Variants in RFC3 observed in about 807,000 individuals in gnomAD.
RFC3 encodes the protein A1 38 kDa subunit.
RFC3 carries 41 observed loss-of-function variants against 45.1 expected under a neutral mutation model. The ratio of observed to expected loss-of-function variants is 0.91; its 90% CI spans 0.71 to 1.18. The LOEUF is 1.18. Among genes scored for constraint, RFC3 ranks in the 50% most tolerant of loss-of-function variants. The pLI, the probability that RFC3 is intolerant of heterozygous loss-of-function variation, is 0.00. For synonymous variants in RFC3, 149 were observed against 144.0 expected (o/e 1.03, Z -0.25); for missense variants, 423 against 428.1 (o/e 0.99, Z 0.10).
intron 8 of RFC3, among the ~76,000 whole-genome samples, chr13:33,927,642 A>G (rs1413283807): frequency 6.6e-6 from 1 of 152,098 alleles, no homozygotes; most frequent in Non-Finnish European, 1.5e-5. Context: ...CCCTCCCATC[A>G]TGGCCCTGGC....
intron 8 of RFC3, among the ~76,000 whole-genome samples, chr13:33,909,048 C>A (rs933649626): frequency 1.3e-5 from 2 of 152,016 alleles, no homozygotes; most frequent in African/African-American, 2.4e-5. Context: ...AATGTTCTCC[C>A]AAATGTCTGG....
At chr13:33,939,122 A>C (rs1465812888) in intron 8 of RFC3, among the ~76,000 whole-genome samples, 2 of 152,144 alleles carry the variant, frequency 1.3e-5, no homozygotes, top group African/African-American at 4.8e-5. Flanking sequence ...TTACCATTAT[A>C]ATATTAATTT....
chr13:33,902,519 C>T (rs1188166727), intron 8 of RFC3, among the ~76,000 whole-genome samples: 1 of 151,898 alleles, frequency 6.6e-6, no homozygotes, highest in Non-Finnish European at 1.5e-5. Context: ...ATAATTGTTC[C>T]GTATTTTATT....
chr13:33,968,325 AC>A (rs2083097219), downstream of RFC3, among the ~76,000 whole-genome samples: 3 of 152,160 alleles, frequency 2.0e-5, no homozygotes, highest in Admixed American at 2.0e-4. Context: ...ACGAGGTTTC[AC>A]AATGTTGGCC....
At chr13:33,845,254 T>C (rs2139452918) in intron 8 of RFC3, among the ~76,000 whole-genome samples, 1 of 152,302 alleles carries the variant, frequency 6.6e-6, no homozygotes, top group Non-Finnish European at 1.5e-5. Flanking sequence ...CTTGAGATAG[T>C]CTTATTTGGG....
intron 8 of RFC3, among the ~76,000 whole-genome samples, chr13:33,903,893 GCA>G: frequency 6.6e-6 from 1 of 152,076 alleles, no homozygotes; most frequent in South Asian, 2.1e-4. Flanking sequence ...TTCCAATTAT[GCA>G]CCTGTGTCCA....
At chr13:33,840,994 A>T (rs1216693080), downstream of RFC3, among the ~76,000 whole-genome samples, 1 of 152,208 alleles carries the variant, frequency 6.6e-6, no homozygotes, top group Non-Finnish European at 1.5e-5. Flanking sequence ...GCCTGTTAGG[A>T]ACTGGGGCCA....
At chr13:33,954,351 C>T (rs867461625) in intron 8 of RFC3, among the ~76,000 whole-genome samples, 9 of 152,140 alleles carry the variant, frequency 5.9e-5, no homozygotes, top group Middle Eastern at 6.8e-3. Context: ...ATAGAAGACC[C>T]CTGAGTGATG....
Position 33,836,733 on chromosome 13 carries a change from T to C in RFC3, c.*438T>C, listed in dbSNP as rs1471363763. 2.0e-6 allele frequency: 2 copies of C among 984,600 alleles called. No individual in the cohort carries two copies. The highest frequency in any genetic ancestry group is 2.4e-6 in the Non-Finnish European group (2 of 829,062). 61.0% of individuals were successfully genotyped at this position (984,600 alleles called of 1,614,324 possible). A position where few individuals can be genotyped will look rare whatever the true frequency, so the allele number is the denominator to read the frequency against. On this transcript the variant is annotated 3_prime_UTR_variant, in exon 9 of 9. Coordinates refer to ENST00000380071, the MANE Select transcript of RFC3 (RefSeq NM_002915.4). ...ATTCTAGTTTCTCTCAATGAATAAT[T>C]GTATTTTTGTAGGAAATGTAAGATT...
At chr13:33,951,935 G>C (rs949496413) in intron 8 of RFC3, among the ~76,000 whole-genome samples, 4 of 152,138 alleles carry the variant, frequency 2.6e-5, no homozygotes, top group African/African-American at 9.7e-5. Flanking sequence ...TTCCAAGTTG[G>C]CATAGCTTAT....
intron 8 of RFC3, among the ~76,000 whole-genome samples, chr13:33,963,341 C>A (rs1198340315): frequency 1.3e-5 from 2 of 152,192 alleles, no homozygotes; most frequent in Admixed American, 1.3e-4. Context: ...TATTTCCTGG[C>A]AGACATGAAG....
At position 33,908,798 on chromosome 13, in the gene RFC3, G is replaced by A. The variant is rs549959315; in HGVS notation, c.880-57289G>A. ...AGAACCAGAAGAGCCAATGACATAA[G>A]TTCTAACCTGAAAGCCAAAGGTCCA... On this transcript the variant is annotated intron_variant, in intron 8 of 8. Coordinates refer to the RFC3 transcript ENST00000434425. 3.3e-5 allele frequency among the ~76,000 whole-genome samples: 5 copies of A among 152,134 alleles called. 1 individual carries two copies. The highest frequency in any genetic ancestry group is 2.1e-4 in the South Asian group (1 of 4,816).
chr13:33,954,050 G>C (rs2083006324), intron 8 of RFC3, among the ~76,000 whole-genome samples: 1 of 152,148 alleles, frequency 6.6e-6, no homozygotes, highest in Non-Finnish European at 1.5e-5. Flanking sequence ...ATGGTGCTAA[G>C]AAAATAGTTT....
intron 8 of RFC3, among the ~76,000 whole-genome samples, chr13:33,881,386 T>C (rs973630837): frequency 6.6e-6 from 1 of 152,212 alleles, no homozygotes; most frequent in Non-Finnish European, 1.5e-5. Flanking sequence ...TTGTAGGCTC[T>C]GTGATGAGCA....
At chr13:33,902,960 T>C (rs2082650900) in intron 8 of RFC3, among the ~76,000 whole-genome samples, 1 of 151,618 alleles carries the variant, frequency 6.6e-6, no homozygotes, top group Non-Finnish European at 1.5e-5. Flanking sequence ...TTTAAGAAAA[T>C]TTATGAATTT....
chr13:33,959,845 G>T (rs1035375481), intron 8 of RFC3, among the ~76,000 whole-genome samples: 1 of 152,174 alleles, frequency 6.6e-6, no homozygotes, highest in East Asian at 1.9e-4. Context: ...ATAAAGAAAA[G>T]AGGTCTAATT....
At position 33,872,801 on chromosome 13, in the gene RFC3, C is replaced by CG. The variant is rs1555235502; in HGVS notation, c.879+37584_879+37585insG. Among the ~76,000 whole-genome samples the CG allele has an allele frequency of 2.0e-4, 29 of 142,528 alleles. 4 individuals are homozygous for CG. The highest frequency in any genetic ancestry group is 3.9e-4 in the African/African-American group (15 of 38,510). The allele number at this position is 142,528 out of a possible 152,430, so 93.5% of individuals were successfully genotyped here. On this transcript the variant is annotated intron_variant, in intron 8 of 8. Transcript: ENST00000434425. ...AAAAGAAAGAAACCAAACCCCCCCCCCCAAAATACATGGTAGGCACTCAGT... is the reference window on the plus strand; with the variant it reads ...AAAAGAAAGAAACCAAACCCCCCCCCGCCAAAATACATGGTAGGCACTCAGT...
chr13:33,826,446 T>G (rs1438350157), intron 4 of RFC3, among the ~76,000 whole-genome samples: 1 of 152,200 alleles, frequency 6.6e-6, no homozygotes, highest in East Asian at 1.9e-4. Context: ...TGTTTTAATC[T>G]TTGTCAGTTT....
intron 8 of RFC3, among the ~76,000 whole-genome samples, chr13:33,884,059 A>G (rs984209549): frequency 1.3e-5 from 2 of 152,240 alleles, no homozygotes; most frequent in African/African-American, 4.8e-5. Context: ...TCAACTGTGT[A>G]TCCTGAAACA....
Sources: allele counts gnomAD v4.1 joint callset (sites outside exome capture counted in the v4.1 genomes callset), GRCh38; gene constraint gnomAD v4.1.1; transcripts MANE v1.5; gene names NCBI Gene and HGNC (gene_info 2026-07-23, HGNC 2026-07-21).